TASL: variants seen among roughly 807,000 people sequenced by gnomAD.
TASL encodes TLR adaptor interacting with endolysosomal SLC15A4, also known as TLR adapter interacting with SLC15A4 on the lysosome.
A neutral mutation model predicts 12.9 loss-of-function variants in TASL; 6 were observed. The ratio of observed to expected loss-of-function variants is 0.46; its 90% CI spans 0.25 to 0.92. The LOEUF is 0.92. Ranked by LOEUF, TASL falls within the 40% of genes least tolerant of loss-of-function variation. The pLI is 0.17. For synonymous variants in TASL, 85 were observed against 79.3 expected (o/e 1.07, Z -0.38); for missense variants, 165 against 212.8 (o/e 0.78, Z 1.40).
At chrX:30,560,630 A>T (rs1930405572) in intron 2 of TASL, among the ~76,000 whole-genome samples, 1 of 104,083 alleles carries the variant, frequency 9.6e-6, no homozygotes, top group Non-Finnish European at 2.0e-5. Flanking sequence ...ACTGAGGATT[A>T]TAATAGTGAT....
At chrX:30,561,795 C>T (rs1930429772) in intron 2 of TASL, among the ~76,000 whole-genome samples, 1 of 105,389 alleles carries the variant, frequency 9.5e-6, no homozygotes, top group South Asian at 4.3e-4. Flanking sequence ...CATGAAGACA[C>T]TAAGCTAAAG....
chrX:30,571,278 G>A (rs868333467), intron 2 of TASL, among the ~76,000 whole-genome samples: 1 of 74,596 alleles, frequency 1.3e-5, no homozygotes, highest in East Asian at 4.0e-4. Flanking sequence ...AAGAAAGAAA[G>A]AAAGAAAGAA....
chrX:30,572,610 C>G (rs1930644402), intron 2 of TASL, among the ~76,000 whole-genome samples: 1 of 111,934 alleles, frequency 8.9e-6, no homozygotes, highest in Non-Finnish European at 1.9e-5. Context: ...TTTGAGCATG[C>G]TGATCAAAGG....
chrX:30,573,168 A>G (rs1930655235), intron 2 of TASL, among the ~76,000 whole-genome samples: 1 of 112,453 alleles, frequency 8.9e-6, no homozygotes, highest in African/African-American at 3.2e-5. Context: ...ACCCCTTCCA[A>G]GGCCACACAG....
rs111847753 is a variant in TASL, at chrX:30,559,658, T to C, written c.698A>G (p.Asp233Gly). The C allele has an allele frequency of 9.9e-6, 12 of 1,209,382 alleles. No individual in the cohort carries two copies. Among genetic ancestry groups the C allele is most frequent in the Non-Finnish European group, 1.3e-5 (12 of 893,478 alleles). The change falls in exon 3 of 3, where the codon GAC becomes GGC. Residue 233 changes from aspartate to glycine, a missense_variant. Physicochemically the swap from Asp to Gly is moderately conservative, Grantham distance 94. Transcript: ENST00000378962. ...KQYIMDTVFH[D>G]SSPTQILASE... Reference sequence around the variant, plus strand: ...CGCCAGAATCTGGGTAGGAGAACTGTCATGAAACACGGTGTCCATAATGTA... The same window carrying C: ...CGCCAGAATCTGGGTAGGAGAACTGCCATGAAACACGGTGTCCATAATGTA...
rs1204263949 is a variant in TASL at position 30,577,692 on chromosome X, CAG to C, written c.-173_-172del. ...GGCAGAAACACAGCAACTGACCAAA[CAG>C]AGAGATGAACAAGCCAGCCAATGCT... On this transcript the variant is annotated 5_prime_UTR_variant, in exon 1 of 3. Transcript: ENST00000378962. 1 of 112,429 alleles carries C rather than the reference CAG, an allele frequency of 8.9e-6. No individual in the cohort carries two copies. The highest frequency in any genetic ancestry group is 1.9e-5 in the Non-Finnish European group (1 of 53,379). The allele number at this position is 112,429 out of a possible 1,213,427, so 9.3% of individuals were successfully genotyped here.
At chrX:30,570,261 T>C (rs193065726) in intron 2 of TASL, among the ~76,000 whole-genome samples, 1,397 of 84,072 alleles carry the variant, frequency 0.017, 19 homozygotes, top group African/African-American at 0.059. Context: ...CACACACACA[T>C]ATATATGAAG....
intron 2 of TASL, among the ~76,000 whole-genome samples, chrX:30,574,094 C>T (rs1275864704): frequency 9.0e-6 from 1 of 110,512 alleles, no homozygotes; most frequent in Non-Finnish European, 1.9e-5. Context: ...ACCCAGGACC[C>T]CAGTCATGCT....
At chrX:30,562,103 G>T (rs1930434273) in intron 2 of TASL, among the ~76,000 whole-genome samples, 1 of 112,077 alleles carries the variant, frequency 8.9e-6, no homozygotes, top group African/African-American at 3.2e-5. Context: ...GAAAATCAGA[G>T]CATAAATGAT....
rs761685231 is a variant in TASL, at chrX:30,560,261, T to A, written c.95A>T (p.Glu32Val). Residue 32 changes from glutamate to valine, a missense_variant, in exon 3 of 3, where the codon GAA (glutamate) becomes GTA (valine). By Grantham distance (121) the Glu-to-Val change is moderately radical (BLOSUM62 -2). Transcript: ENST00000378962. ...SYNEQVAGEK[E>V]EETNSVATLS... ...GGTAGCAACAGAATTTGTCTCCTCT[T>A]CCTTTTCCCCAGCCACCTGCTCATT... 2.5e-6 allele frequency: 3 copies of A among 1,208,438 alleles called. No homozygotes were observed. The highest frequency in any genetic ancestry group is 3.4e-6 in the Non-Finnish European group (3 of 894,014).
At chrX:30,574,606 C>G (rs1429676038) in intron 2 of TASL, among the ~76,000 whole-genome samples, 1 of 111,536 alleles carries the variant, frequency 9.0e-6, no homozygotes, top group African/African-American at 3.3e-5. Context: ...GATGGGACTG[C>G]CTTCCACCAT....
intron 2 of TASL, among the ~76,000 whole-genome samples, chrX:30,571,262 GAAAGAAAGAAAGAA>G (rs1930599954): frequency 1.8e-4 from 5 of 27,321 alleles, no homozygotes; most frequent in Non-Finnish European, 4.0e-4. Context: ...GAAAGAGAAA[GAAAGAAAGAAAGAA>G]AGAAAGAAAG....
chrX:30,560,665 G>A (rs994501083), intron 2 of TASL, among the ~76,000 whole-genome samples: 1 of 69,781 alleles, frequency 1.4e-5, no homozygotes, highest in African/African-American at 5.4e-5. Context: ...TACAGGGGTG[G>A]GGGGGTCCCT....
rs914245139 is a variant in TASL, at chrX:30,572,483, C to T, written c.-2+4269G>A. 4.5e-5 allele frequency among the ~76,000 whole-genome samples: 5 copies of T among 111,956 alleles called. No homozygotes were observed. The South Asian group carries it at 1.8e-3, about 41-fold the overall frequency. ...AGTTATTATTTTTGTGGTGAGAATA[C>T]TTATATTCAGTTTCTTATCATTTCT... On this transcript the variant is annotated intron_variant, in intron 2 of 2. Coordinates refer to ENST00000378962, the MANE Select transcript of TASL (RefSeq NM_025159.3).
intron 2 of TASL, among the ~76,000 whole-genome samples, chrX:30,560,884 G>A (rs886699933): frequency 1.8e-5 from 2 of 111,007 alleles, no homozygotes; most frequent in Non-Finnish European, 3.8e-5. Context: ...ATCGTGAAGA[G>A]CCTTGGCAGT....
rs190870601 is a variant in TASL, at chrX:30,565,242, G to A, written c.-1-4886C>T. ...AGCAGATGGAAGGGCTGAAGACTGA[G>A]GCTCCCCATTTTTTGTCCTAGGCCC... On this transcript the variant is annotated intron_variant, in intron 2 of 2. Coordinates refer to ENST00000378962, the MANE Select transcript of TASL (RefSeq NM_025159.3). Among the ~76,000 whole-genome samples, 557 of 111,659 alleles carry A rather than the reference G, an allele frequency of 5.0e-3. 8 individuals are homozygous for A. Among genetic ancestry groups the A allele is most frequent in the Non-Finnish European group, 5.7e-3 (305 of 53,132 alleles).
intron 2 of TASL, among the ~76,000 whole-genome samples, chrX:30,565,758 TA>T (rs1317308439): frequency 2.7e-5 from 3 of 111,756 alleles, no homozygotes; most frequent in Admixed American, 9.5e-5. Flanking sequence ...ATAACTGCAG[TA>T]TTTTTTTTGT....
At chrX:30,566,527 A>G (rs1930500477) in intron 2 of TASL, among the ~76,000 whole-genome samples, 1 of 111,778 alleles carries the variant, frequency 8.9e-6, no homozygotes, top group African/African-American at 3.3e-5. Context: ...AAATAAAAAA[A>G]AGAGAGATGG....
chrX:30,571,480 C>T (rs1930623773), intron 2 of TASL, among the ~76,000 whole-genome samples: 3 of 108,994 alleles, frequency 2.8e-5, no homozygotes, highest in Non-Finnish European at 5.7e-5. Context: ...ATTAGCAGGG[C>T]GTGGTGGTGC....
Sources: gnomAD v4.1 joint callset for allele counts (sites outside exome capture counted in the v4.1 genomes callset) on GRCh38, gnomAD v4.1.1 for gene constraint, MANE v1.5 for transcripts, NCBI Gene and HGNC (gene_info 2026-07-23, HGNC 2026-07-21) for gene names.